TLL1: variants seen among roughly 807,000 people sequenced by gnomAD.
TLL1 encodes the protein tolloid-like protein 1.
A neutral mutation model predicts 128.2 loss-of-function variants in TLL1; 49 were observed. That is an observed-to-expected ratio of 0.38 (90% CI 0.30 to 0.48). The LOEUF is 0.48. Ranked by LOEUF, TLL1 falls within the 20% of genes least tolerant of loss-of-function variation. TLL1 has a pLI of 0.96. For missense variants in TLL1, 1,123 were observed against 1,242.0 expected, an observed-to-expected ratio of 0.90 and a Z score of 1.44; for synonymous variants, 454 against 418.8, an observed-to-expected ratio of 1.08 and a Z score of -1.03.
At chr4:165,923,120 C>G (rs949123046) in intron 1 of TLL1, among the ~76,000 whole-genome samples, 11 of 152,128 alleles carry the variant, frequency 7.2e-5, no homozygotes, top group Non-Finnish European at 1.5e-4. Context: ...TCATGCCACC[C>G]AGGAACTTCT....
At chr4:165,977,716 A>G (rs1267292466) in intron 1 of TLL1, among the ~76,000 whole-genome samples, 1 of 152,198 alleles carries the variant, frequency 6.6e-6, no homozygotes, top group African/African-American at 2.4e-5. Context: ...CTTCAATGAG[A>G]GAAAATTAAT....
intron 7 of TLL1, among the ~76,000 whole-genome samples, chr4:166,009,171 A>G (rs921038950): frequency 2.0e-5 from 3 of 151,492 alleles, no homozygotes; most frequent in Non-Finnish European, 4.4e-5. Context: ...ATGCTCAGTA[A>G]TTTGACCTGA....
chr4:165,877,640 G>A (rs1730774404), intron 1 of TLL1, among the ~76,000 whole-genome samples: 1 of 152,130 alleles, frequency 6.6e-6, no homozygotes. Flanking sequence ...CCAAATATGT[G>A]TACAGATTAC....
intron 1 of TLL1, among the ~76,000 whole-genome samples, chr4:165,981,181 CT>C (rs1456802605): frequency 4.6e-5 from 7 of 151,916 alleles, no homozygotes; most frequent in Admixed American, 6.6e-5. Context: ...TCTTGTTTTA[CT>C]GAAAAGGAGG....
intron 1 of TLL1, among the ~76,000 whole-genome samples, chr4:165,935,721 G>T (rs1733733363): frequency 6.6e-6 from 1 of 152,148 alleles, no homozygotes; most frequent in Admixed American, 6.5e-5. Context: ...CTATAGTTTA[G>T]TCTGGCCCAT....
At chr4:165,974,916 G>A (rs1735804761) in intron 1 of TLL1, among the ~76,000 whole-genome samples, 1 of 150,858 alleles carries the variant, frequency 6.6e-6, no homozygotes, top group South Asian at 2.1e-4. Context: ...TATGTCGGGA[G>A]TTCTCAGGGA....
chr4:166,051,295 C>CTCCTTTCCTTCCTTCCTTCCT (rs1560836651), intron 12 of TLL1, among the ~76,000 whole-genome samples: 1 of 131,504 alleles, frequency 7.6e-6, no homozygotes, highest in South Asian at 2.7e-4. Context: ...TCTTCCCTCC[C>CTCCTTTCCTTCCTTCCTTCCT]TCCTTTCCTT....
At chr4:166,074,769 C>T in intron 16 of TLL1, 109 bp from the exon 17 acceptor site, 1 of 1,349,454 alleles carries the variant, frequency 7.4e-7, no homozygotes, top group Non-Finnish European at 1.0e-6. Context: ...CAGGAGAAAC[C>T]ATGACTTAGT....
intron 18 of TLL1, among the ~76,000 whole-genome samples, chr4:166,084,260 G>A (rs1445844856): frequency 1.3e-5 from 2 of 152,000 alleles, no homozygotes. Context: ...AGTTGTTTGA[G>A]TTCCTTTTAT....
intron 4 of TLL1, among the ~76,000 whole-genome samples, 153 bp from the exon 5 acceptor site, chr4:165,994,908 A>G (rs1430777753): frequency 1.3e-5 from 2 of 152,192 alleles, no homozygotes; most frequent in Non-Finnish European, 2.9e-5. Context: ...GTTCTTAACA[A>G]TGACTCATTT....
intron 1 of TLL1, among the ~76,000 whole-genome samples, chr4:165,973,419 G>T (rs1735719194): frequency 6.6e-6 from 1 of 151,854 alleles, no homozygotes; most frequent in Non-Finnish European, 1.5e-5. Context: ...TCTACCTTTG[G>T]AATCGAGTCC....
chr4:165,957,613 C>G (rs1213565037), intron 1 of TLL1, among the ~76,000 whole-genome samples: 1 of 151,604 alleles, frequency 6.6e-6, no homozygotes, highest in African/African-American at 2.4e-5. Flanking sequence ...ATCACCCGAG[C>G]TGTATACACT....
chr4:165,936,422 G>C (rs1579510163), intron 1 of TLL1, among the ~76,000 whole-genome samples: 1 of 151,056 alleles, frequency 6.6e-6, no homozygotes, highest in East Asian at 2.0e-4. Flanking sequence ...ATGTTGGCCA[G>C]GCTGGTCTTG....
intron 12 of TLL1, among the ~76,000 whole-genome samples, chr4:166,053,848 C>T (rs1443794106): frequency 6.6e-6 from 1 of 152,102 alleles, no homozygotes; most frequent in Non-Finnish European, 1.5e-5. Flanking sequence ...CTGCTTTCTA[C>T]TTTTAAATAC....
intron 18 of TLL1, among the ~76,000 whole-genome samples, chr4:166,082,739 G>A (rs180679831): frequency 8.6e-5 from 13 of 151,960 alleles, no homozygotes; most frequent in African/African-American, 2.4e-4. Flanking sequence ...GAGCAATGGC[G>A]CAATCTCAGC....
At chr4:165,999,561 G>A (rs1309066386) in intron 5 of TLL1, among the ~76,000 whole-genome samples, 1 of 152,076 alleles carries the variant, frequency 6.6e-6, no homozygotes, top group Non-Finnish European at 1.5e-5. Flanking sequence ...TCGACATGTG[G>A]GGATTACAAT....
chr4:165,894,992 A>G (rs966572428), intron 1 of TLL1, among the ~76,000 whole-genome samples: 1 of 151,980 alleles, frequency 6.6e-6, no homozygotes, highest in Non-Finnish European at 1.5e-5. Context: ...TTGTGTGACC[A>G]TCATTCAGTA....
At chr4:165,885,711 G>A (rs1561005970) in intron 1 of TLL1, among the ~76,000 whole-genome samples, 1 of 152,070 alleles carries the variant, frequency 6.6e-6, no homozygotes, top group Non-Finnish European at 1.5e-5. Flanking sequence ...TTGTTCAGTC[G>A]GATGTTTTTT....
chr4:165,962,039 T>C (rs1735132358), intron 1 of TLL1, among the ~76,000 whole-genome samples: 1 of 151,802 alleles, frequency 6.6e-6, no homozygotes, highest in African/African-American at 2.4e-5. Context: ...GGCTATGTTC[T>C]AAAAAAAATT....
Sources: gnomAD v4.1 joint callset for allele counts (sites outside exome capture counted in the v4.1 genomes callset) on GRCh38, gnomAD v4.1.1 for gene constraint, MANE v1.5 for transcripts, NCBI Gene and HGNC (gene_info 2026-07-23, HGNC 2026-07-21) for gene names.